Variants in ADAMTS2 observed in about 807,000 individuals in gnomAD.
ADAMTS2 encodes the protein A disintegrin and metalloproteinase with thrombospondin motifs 2.
A neutral mutation model predicts 123.0 loss-of-function variants in ADAMTS2; 50 were observed. The ratio of observed to expected loss-of-function variants is 0.41; its 90% CI spans 0.32 to 0.51. The LOEUF (loss-of-function observed/expected upper bound fraction) is 0.51, where lower values mean the gene tolerates loss of function less well. Ranked by LOEUF, ADAMTS2 falls within the 20% of genes least tolerant of loss-of-function variation. ADAMTS2 has a pLI of 0.35. For synonymous variants in ADAMTS2, 678 were observed against 695.4 expected, an observed-to-expected ratio of 0.98 and a Z score of 0.39; for missense variants, 1,494 against 1,705.2, an observed-to-expected ratio of 0.88 and a Z score of 2.18.
rs151039537 is a variant in ADAMTS2 at position 179,207,239 on chromosome 5, C to T, written c.891+274G>A. ...ACATTGAATGACATTGTCATTCAAA[C>T]GACTGGAGTTTGCACAAACCCGCCT... On this transcript the variant is annotated intron_variant, in intron 4 of 21. Transcript: ENST00000251582. 2.2e-4 allele frequency among the ~76,000 whole-genome samples: 33 copies of T among 152,278 alleles called. No individual in the cohort carries two copies. In the East Asian group the frequency reaches 2.7e-3, roughly 12 times the overall value.
At chr5:179,152,327 G>A (rs1215376414) in intron 9 of ADAMTS2, 72 bp from the exon 10 acceptor site, 12 of 1,449,362 alleles carry the variant, frequency 8.3e-6, no homozygotes, top group African/African-American at 1.4e-5. Flanking sequence ...ACCCACCCCC[G>A]GGTTCTGGAA....
At position 179,314,764 on chromosome 5, in the gene ADAMTS2, G is replaced by T. The variant is rs1238999744; in HGVS notation, c.534+29003C>A. Among the ~76,000 whole-genome samples, 2 of 152,186 alleles carry T rather than the reference G, an allele frequency of 1.3e-5. No homozygotes were observed. The highest frequency in any genetic ancestry group is 2.9e-5 in the Non-Finnish European group (2 of 67,996). On this transcript the variant is annotated intron_variant, in intron 2 of 21. Coordinates refer to ENST00000251582, the MANE Select transcript of ADAMTS2 (RefSeq NM_014244.5). The surrounding 1 kb of genome is among the most constrained non-coding windows in gnomAD (Gnocchi z 4.5). ...GGTGGGGCTCCTGTCCCCCGCCAGT[G>T]CCCCCAACCTCTACTCCAGCAGACC...
rs3986816 is a variant in ADAMTS2 at position 179,283,549 on chromosome 5, CAAAAAAA to C, written c.535-10492_535-10486del. On this transcript the variant is annotated intron_variant, in intron 2 of 21. Coordinates refer to ENST00000251582, the MANE Select transcript of ADAMTS2 (RefSeq NM_014244.5). ...AAAATATGGTAGACTAGAAAAACAG[CAAAAAAA>C]AAAAAAAAAAAAAATCCAGAAAAAC... Among the ~76,000 whole-genome samples the C allele has an allele frequency of 4.7e-4, 24 of 51,332 alleles. 1 individual carries two copies. Among genetic ancestry groups the C allele is most frequent in the African/African-American group, 1.5e-3 (16 of 10,522 alleles). The allele number at this position is 51,332 out of a possible 152,430, so 33.7% of individuals were successfully genotyped here.
chr5:179,250,332 T>C (rs375343717), intron 3 of ADAMTS2, among the ~76,000 whole-genome samples: 7 of 152,108 alleles, frequency 4.6e-5, no homozygotes. Context: ...AAAAAATAAA[T>C]AAATAAAAGG....
chr5:179,200,305 G>A (rs1459712568), intron 4 of ADAMTS2, among the ~76,000 whole-genome samples: 1 of 138,314 alleles, frequency 7.2e-6, no homozygotes, highest in Non-Finnish European at 1.5e-5. Context: ...CTGGAGTGCA[G>A]TGGCGTCACC....
rs1757914356 is a variant in ADAMTS2 at position 179,345,263 on chromosome 5, C to G, written c.66G>C (p.Leu22=). The G allele has an allele frequency of 1.4e-5, 16 of 1,143,068 alleles. No individual in the cohort carries two copies. Among genetic ancestry groups the G allele is most frequent in the Non-Finnish European group, 1.7e-5 (16 of 933,386 alleles). 70.8% of individuals were successfully genotyped at this position (1,143,068 alleles called of 1,614,324 possible). The part of the protein sequence containing the change: ...LCPALLLLLL[L]LPPPLLPPPP... ...GCGGCGGCAGGAGCGGCGGCGGCAG[C>G]AGCAGCAGCAGCAGCAGCAGCGCGG... Residue 22 remains leucine (L), a synonymous_variant, in exon 1 of 22, where the codon CTG becomes CTC. Transcript: ENST00000251582. This position sits in a 1 kb window ranked among gnomAD's most constrained non-coding sequence, Gnocchi z 7.5.
chr5:179,121,509 CAGAGGCCCGGGAGAAAACGG>C, intron 21 of ADAMTS2, 132 bp downstream of exon 21: 1 of 568,126 alleles, frequency 1.8e-6, no homozygotes, highest in Non-Finnish European at 3.0e-6. Flanking sequence ...ACGCCGAGCT[CAGAGGCCCGGGAGAAAACGG>C]TCACCCCAGA....
In ADAMTS2 at chr5:179,154,167, C is replaced by T. The variant is rs200813745; in HGVS notation, c.1264G>A (p.Gly422Ser). The change falls in exon 8 of 22, where the codon GGC becomes AGC. Residue 422 changes from glycine to serine, a missense_variant. Physicochemically the swap from Gly to Ser is moderately conservative, Grantham distance 56. This residue lies in a region of ADAMTS2 where 953 missense variants were observed against 1,124.7 expected (regional missense o/e 0.85). Coordinates refer to ENST00000251582, the MANE Select transcript of ADAMTS2 (RefSeq NM_014244.5). ...HVLGMEHDGQGNRCGDEVRLG... is the reference protein window; with the variant it reads ...HVLGMEHDGQSNRCGDEVRLG... ...CGCACCTCGTCGCCACAGCGGTTGC[C>T]CTGCCCGTCGTGCTCCATGCCCAGC... is the stretch of plus-strand genomic sequence containing the variant. 3.1e-5 allele frequency: 48 copies of T among 1,566,370 alleles called. No homozygotes were observed. The highest frequency in any genetic ancestry group is 3.7e-5 in the Non-Finnish European group (43 of 1,162,944).
chr5:179,185,386 G>A lies in ADAMTS2; in HGVS notation c.892-4231C>T, dbSNP rs2113322137. Reference sequence around the variant, plus strand: ...CCCCGCCTGAGCAGGGAGAGGCTGGGGCTCTGGAAGGGCATTCCGGCAGCT... The same window carrying A: ...CCCCGCCTGAGCAGGGAGAGGCTGGAGCTCTGGAAGGGCATTCCGGCAGCT... On this transcript the variant is annotated intron_variant, in intron 4 of 21. Coordinates refer to ENST00000251582, the MANE Select transcript of ADAMTS2 (RefSeq NM_014244.5). The surrounding 1 kb of genome is among the most constrained non-coding windows in gnomAD (Gnocchi z 5.9). Among the ~76,000 whole-genome samples the A allele has an allele frequency of 6.6e-6, 1 of 152,172 alleles. No individual in the cohort carries two copies. The highest frequency in any genetic ancestry group is 1.9e-4 in the East Asian group (1 of 5,180).
At chr5:179,127,862 C>A (rs1449829465) in intron 17 of ADAMTS2, 97 bp downstream of exon 17, 3 of 1,537,002 alleles carry the variant, frequency 2.0e-6, no homozygotes, top group East Asian at 2.3e-5. Context: ...TGTGGCTCCT[C>A]GGCCCCTGCT....
rs143313655 is a variant in ADAMTS2, at chr5:179,314,434, G to A, written c.534+29333C>T. 4.0e-5 allele frequency among the ~76,000 whole-genome samples: 6 copies of A among 151,744 alleles called. No individual in the cohort carries two copies. The East Asian group carries it at 9.8e-4, about 25-fold the overall frequency. ...CCTCCCCACCCCGTGGCGTGGCGTGGCGTGGCCGGAATACTCAGTTTTCCC... is the reference window on the plus strand; with the variant it reads ...CCTCCCCACCCCGTGGCGTGGCGTGACGTGGCCGGAATACTCAGTTTTCCC... On this transcript the variant is annotated intron_variant, in intron 2 of 21. Transcript: ENST00000251582. This position sits in a 1 kb window ranked among gnomAD's most constrained non-coding sequence, Gnocchi z 4.5.
At chr5:179,193,821 A>C (rs1382762214) in intron 4 of ADAMTS2, among the ~76,000 whole-genome samples, 3 of 152,192 alleles carry the variant, frequency 2.0e-5, no homozygotes, top group Non-Finnish European at 4.4e-5. Context: ...CACACCACCA[A>C]GGAGACCCCT....
In ADAMTS2 at chr5:179,207,626, G is replaced by C. The variant is rs568585836; in HGVS notation, c.778C>G (p.His260Asp). Residue 260 changes from histidine (H) to aspartate (D), a missense_variant, in exon 4 of 22, where the codon CAT becomes GAT. By Grantham distance (81) the His-to-Asp change is moderately conservative. Transcript: ENST00000251582. The stretch of plus-strand genomic sequence containing the variant: ...ATGTTGTAGTCATCGTCCGCAGCAT[G>C]CCTGCGTGCCCTCCGCCTCGAGCTG... ...ANSSRRRARR[H>D]AADDDYNIEV... 1.2e-6 allele frequency: 2 copies of C among 1,613,842 alleles called. No homozygotes were observed. The highest frequency in any genetic ancestry group is 2.7e-5 in the African/African-American group (2 of 75,060).
chr5:179,195,512 G>C (rs548986654), intron 4 of ADAMTS2, among the ~76,000 whole-genome samples: 2 of 152,358 alleles, frequency 1.3e-5, no homozygotes, highest in Admixed American at 1.3e-4. Context: ...TAGATTTCCA[G>C]CTTCTCATGG....
At chr5:179,151,624 T>A (rs1197705882) in intron 10 of ADAMTS2, among the ~76,000 whole-genome samples, 1 of 152,070 alleles carries the variant, frequency 6.6e-6, no homozygotes, top group African/African-American at 2.4e-5. Context: ...GAGAATCAGG[T>A]CTGGAGTTCT....
At chr5:179,210,762 C>T (rs918605584) in intron 3 of ADAMTS2, among the ~76,000 whole-genome samples, 3 of 152,246 alleles carry the variant, frequency 2.0e-5, no homozygotes, top group Non-Finnish European at 2.9e-5. Flanking sequence ...GCCCAGCCCC[C>T]CTCCTGTCCT....
intron 10 of ADAMTS2, chr5:179,150,932 T>G (rs1359516696): frequency 6.0e-6 from 1 of 165,574 alleles, no homozygotes; most frequent in Admixed American, 6.3e-5. Flanking sequence ...GGTCTTGCTG[T>G]GTGATCCAGA....
intron 10 of ADAMTS2, among the ~76,000 whole-genome samples, chr5:179,148,075 G>A (rs549138343): frequency 1.3e-5 from 2 of 152,116 alleles, no homozygotes; most frequent in Non-Finnish European, 2.9e-5. Context: ...CTCCCCACTC[G>A]CAGCAGGACA....
intron 3 of ADAMTS2, among the ~76,000 whole-genome samples, chr5:179,268,721 G>A (rs552028812): frequency 8.6e-4 from 131 of 152,362 alleles, no homozygotes; most frequent in Non-Finnish European, 8.7e-4. Flanking sequence ...AGGGTCCAGT[G>A]AGGGAGGCAG....
Sources: gnomAD v4.1 joint callset for allele counts (sites outside exome capture counted in the v4.1 genomes callset) on GRCh38, gnomAD v4.1.1 for gene constraint, gnomAD v4.1.1 regional missense constraint, Gnocchi (gnomAD v3.1) non-coding constraint, MANE v1.5 for transcripts, NCBI Gene and HGNC (gene_info 2026-07-23, HGNC 2026-07-21) for gene names.